Variants in TNS3 observed in about 807,000 individuals in gnomAD.
TNS3 encodes tensin-3.
TNS3 carries 45 observed loss-of-function variants against 140.9 expected under a neutral mutation model. The observed-to-expected ratio is 0.32, with a 90% confidence interval of 0.25 to 0.41. The LOEUF is 0.41. Ranked by LOEUF, TNS3 falls within the 10% of genes least tolerant of loss-of-function variation. TNS3 has a pLI of 1.00. For missense variants in TNS3, 1,716 were observed against 1,906.7 expected, an observed-to-expected ratio of 0.90 and a Z score of 1.86; for synonymous variants, 815 against 788.4, an observed-to-expected ratio of 1.03 and a Z score of -0.56.
intron 9 of TNS3, among the ~76,000 whole-genome samples, chr7:47,426,268 TGA>T (rs1397113121): frequency 6.6e-6 from 1 of 151,834 alleles, no homozygotes; most frequent in African/African-American, 2.4e-5. Flanking sequence ...GGCAACAGAG[TGA>T]GACTCTGTCT....
Position 47,488,177 on chromosome 7 carries a change from A to G in TNS3, c.-114-7036T>C, listed in dbSNP as rs373468416. 5.3e-5 allele frequency among the ~76,000 whole-genome samples: 8 copies of G among 152,242 alleles called. No homozygotes were observed. In the East Asian group the frequency reaches 5.8e-4, roughly 11 times the overall value. On this transcript the variant is annotated intron_variant, in intron 3 of 30. Coordinates refer to ENST00000311160, the MANE Select transcript of TNS3 (RefSeq NM_022748.12). ...TTAATTCACCCATTAGTTAAGATTG[A>G]AAAAGGATGCATTGTTCATGTGTTT... is the stretch of plus-strand genomic sequence containing the variant.
rs140535214 is a variant in TNS3 at position 47,482,728 on chromosome 7, A to G, written c.-114-1587T>C. On this transcript the variant is annotated intron_variant, in intron 3 of 30. Coordinates refer to ENST00000311160, the MANE Select transcript of TNS3 (RefSeq NM_022748.12). The stretch of plus-strand genomic sequence containing the variant: ...TCACTATCAGCATTCCTGCAATGGC[A>G]TGTCAAGCATGATGAAAAAAAAAAT... Among the ~76,000 whole-genome samples, 77 of 150,428 alleles carry G rather than the reference A, an allele frequency of 5.1e-4. 1 individual carries two copies. The highest frequency in any genetic ancestry group is 1.8e-3 in the African/African-American group (75 of 41,310).
At chr7:47,502,905 A>C (rs1003330849) in intron 3 of TNS3, among the ~76,000 whole-genome samples, 2 of 152,214 alleles carry the variant, frequency 1.3e-5, no homozygotes, top group Non-Finnish European at 2.9e-5. Flanking sequence ...AGGCACATGC[A>C]GAGAGAGAAA....
intron 1 of TNS3, among the ~76,000 whole-genome samples, chr7:47,580,069 T>A (rs1324243053): frequency 6.6e-6 from 1 of 152,158 alleles, no homozygotes; most frequent in Non-Finnish European, 1.5e-5. Flanking sequence ...AGTTTTTCTA[T>A]CTTGGTAGTT....
At chr7:47,402,754 C>T (rs1289645859) in intron 13 of TNS3, among the ~76,000 whole-genome samples, 1 of 152,180 alleles carries the variant, frequency 6.6e-6, no homozygotes, top group African/African-American at 2.4e-5. Flanking sequence ...TCTGCCTCCA[C>T]TAGTGCCTTG....
At chr7:47,582,463 C>T (rs1326963821), upstream of TNS3, 2 of 456,526 alleles carry the variant, frequency 4.4e-6, no homozygotes, top group Non-Finnish European at 8.8e-6. Flanking sequence ...TCCTGCACAA[C>T]CAGTTCATTC....
At chr7:47,490,043 A>T (rs1319203220) in intron 3 of TNS3, among the ~76,000 whole-genome samples, 2 of 152,260 alleles carry the variant, frequency 1.3e-5, no homozygotes, top group African/African-American at 4.8e-5. Flanking sequence ...AAAAAAAGCA[A>T]GAAGAAAAAC....
At chr7:47,387,963 C>A (rs1354485701) in intron 16 of TNS3, among the ~76,000 whole-genome samples, 1 of 152,248 alleles carries the variant, frequency 6.6e-6, no homozygotes, top group Non-Finnish European at 1.5e-5. Flanking sequence ...CGACTTGGCA[C>A]AAGTGCAATT....
chr7:47,554,082 A>G (rs758730357), intron 1 of TNS3, among the ~76,000 whole-genome samples: 11 of 150,516 alleles, frequency 7.3e-5, no homozygotes, highest in Non-Finnish European at 1.3e-4. Context: ...TGGGATTACA[A>G]GCGTGAGCCA....
In TNS3 at chr7:47,535,964, C is replaced by A. The variant is rs114903742; in HGVS notation, c.-264-6817G>T. ...GTAGGCATTCAGGCACCTGGGAAAC[C>A]TTCAGAGGCATTCTGGAGAGGCAGA... On this transcript the variant is annotated intron_variant, in intron 1 of 30. Coordinates refer to ENST00000311160, the MANE Select transcript of TNS3 (RefSeq NM_022748.12). Among the ~76,000 whole-genome samples the A allele has an allele frequency of 6.1e-3, 922 of 152,328 alleles. 14 individuals carry two copies. The highest frequency in any genetic ancestry group is 0.021 in the African/African-American group (866 of 41,570).
chr7:47,453,907 A>T (rs2151647288), intron 4 of TNS3, among the ~76,000 whole-genome samples: 1 of 152,348 alleles, frequency 6.6e-6, no homozygotes, highest in East Asian at 1.9e-4. Flanking sequence ...AGCTGTTTAA[A>T]CTGATCTCAC....
chr7:47,375,640 C>A (rs766997529), intron 16 of TNS3, among the ~76,000 whole-genome samples: 9 of 152,088 alleles, frequency 5.9e-5, no homozygotes, highest in Non-Finnish European at 1.2e-4. Context: ...AAAAGTCACC[C>A]AAAAAATGGA....
upstream of TNS3, chr7:47,582,460 C>A (rs1297725659): frequency 4.4e-6 from 2 of 456,554 alleles, no homozygotes; most frequent in African/African-American, 2.0e-5. Flanking sequence ...GGTTCCTGCA[C>A]AACCAGTTCA....
chr7:47,485,869 G>T (rs1342074622), intron 3 of TNS3, among the ~76,000 whole-genome samples: 1 of 152,224 alleles, frequency 6.6e-6, no homozygotes, highest in Non-Finnish European at 1.5e-5. Context: ...GGACAGAGGG[G>T]CAGAGGGACA....
rs886944643 is a variant in TNS3, at chr7:47,277,652, C to T, written c.*424G>A. Reference sequence around the variant, plus strand: ...GGCCTCGGGTGCAGCTGGACAGAAGCGCCCATGCGGACGGGCGAAGCATGG... The same window carrying T: ...GGCCTCGGGTGCAGCTGGACAGAAGTGCCCATGCGGACGGGCGAAGCATGG... On this transcript the variant is annotated 3_prime_UTR_variant, in exon 31 of 31. Coordinates refer to ENST00000311160, the MANE Select transcript of TNS3 (RefSeq NM_022748.12). 6 of 274,568 alleles carry T rather than the reference C, an allele frequency of 2.2e-5. No homozygotes were observed. Among genetic ancestry groups the T allele is most frequent in the Non-Finnish European group, 3.6e-5 (5 of 140,642 alleles). The allele number at this position is 274,568 out of a possible 1,614,324, so 17.0% of individuals were successfully genotyped here.
chr7:47,350,307 A>G (rs1486157864), intron 17 of TNS3, among the ~76,000 whole-genome samples: 2 of 152,174 alleles, frequency 1.3e-5, no homozygotes, highest in Non-Finnish European at 2.9e-5. Context: ...AGGCTTCACA[A>G]ATTCTTCTGT....
In TNS3 at chr7:47,487,945, C is replaced by G. The variant is rs77529700; in HGVS notation, c.-114-6804G>C. ...ACCTACCTCTGAGGCCCTGAACTAG[C>G]CAGGGAAAAACAGATACGGACGCCA... On this transcript the variant is annotated intron_variant, in intron 3 of 30. Coordinates refer to ENST00000311160, the MANE Select transcript of TNS3 (RefSeq NM_022748.12). 3.2e-3 allele frequency among the ~76,000 whole-genome samples: 481 copies of G among 152,146 alleles called. 4 individuals are homozygous for G. Among genetic ancestry groups the G allele is most frequent in the African/African-American group, 0.011 (449 of 41,516 alleles).
intron 13 of TNS3, among the ~76,000 whole-genome samples, chr7:47,410,865 A>C (rs1257874459): frequency 1.3e-5 from 2 of 152,222 alleles, no homozygotes; most frequent in Non-Finnish European, 2.9e-5. Context: ...AAATTTTCCT[A>C]AAATTATTTT....
intron 16 of TNS3, among the ~76,000 whole-genome samples, chr7:47,376,914 A>T (rs1169915422): frequency 6.6e-6 from 1 of 152,162 alleles, no homozygotes; most frequent in Non-Finnish European, 1.5e-5. Flanking sequence ...AAGCTAGTGC[A>T]TTTCTATCCT....
Sources: gnomAD v4.1 joint callset for allele counts (sites outside exome capture counted in the v4.1 genomes callset) on GRCh38, gnomAD v4.1.1 for gene constraint, MANE v1.5 for transcripts, NCBI Gene and HGNC (gene_info 2026-07-23, HGNC 2026-07-21) for gene names.